The following LRRC2 variants were observed in gnomAD, a reference collection of about 807,000 sequenced individuals.
The protein encoded by LRRC2 is leucine-rich repeat-containing protein 2.
A neutral mutation model predicts 40.2 loss-of-function variants in LRRC2; 27 were observed. The ratio of observed to expected loss-of-function variants is 0.67; its 90% confidence interval spans 0.49 to 0.93. LRRC2 has a LOEUF of 0.93. Among genes scored for constraint, LRRC2 ranks in the 40% least tolerant of loss-of-function variants. The probability of loss-of-function intolerance (pLI) is 0.00; values close to 1 mark genes in which losing one functional copy is unlikely to be tolerated. For synonymous variants in LRRC2, 147 were observed against 158.9 expected, an observed-to-expected ratio of 0.92 and a Z score of 0.56; for missense variants, 402 against 439.6, an observed-to-expected ratio of 0.91 and a Z score of 0.76.
At chr3:46,538,967 G>T in intron 4 of LRRC2, 78 bp downstream of exon 4, 1 of 1,454,830 alleles carries the variant, frequency 6.9e-7, no homozygotes, top group South Asian at 1.3e-5. Flanking sequence ...CACGGTGTCT[G>T]CACAGTGTCT....
chr3:46,533,667 A>G (rs980078140), intron 4 of LRRC2, among the ~76,000 whole-genome samples: 13 of 151,906 alleles, frequency 8.6e-5, no homozygotes, highest in Admixed American at 7.9e-4. Flanking sequence ...CTGCACTGAA[A>G]ATGAAAAGCA....
chr3:46,527,786 G>T (rs567619243), intron 6 of LRRC2, among the ~76,000 whole-genome samples: 1 of 151,696 alleles, frequency 6.6e-6, no homozygotes, highest in Non-Finnish European at 1.5e-5. Flanking sequence ...GGAGTGCAGT[G>T]GTACAATCTC....
At chr3:46,563,519 G>A (rs931050063) in intron 1 of LRRC2, among the ~76,000 whole-genome samples, 4 of 151,852 alleles carry the variant, frequency 2.6e-5, no homozygotes, top group African/African-American at 9.7e-5. Flanking sequence ...CAAGTCACAT[G>A]GCTTCCTCCC....
chr3:46,545,341 T>C (rs1200307976), intron 2 of LRRC2, 88 bp from the exon 3 acceptor site: 4 of 1,110,958 alleles, frequency 3.6e-6, no homozygotes, highest in Non-Finnish European at 5.3e-6. Flanking sequence ...TGGGCATAGG[T>C]GCTCTCCTTG....
intron 1 of LRRC2, among the ~76,000 whole-genome samples, chr3:46,553,545 G>T (rs1410766582): frequency 6.6e-6 from 1 of 152,184 alleles, no homozygotes; most frequent in East Asian, 1.9e-4. Flanking sequence ...CTGGATCTGG[G>T]CATAGTGGCG....
chr3:46,563,130 CCA>C (rs1704983091), intron 1 of LRRC2, among the ~76,000 whole-genome samples: 1 of 152,106 alleles, frequency 6.6e-6, no homozygotes, highest in African/African-American at 2.4e-5. Context: ...ATCCACACCT[CCA>C]GTTATCACCT....
chr3:46,555,463 T>C (rs1409994092), intron 1 of LRRC2, among the ~76,000 whole-genome samples: 1 of 152,158 alleles, frequency 6.6e-6, no homozygotes, highest in Non-Finnish European at 1.5e-5. Flanking sequence ...TCTCTGAACA[T>C]TTTTTAGAAT....
At chr3:46,523,516 A>C (rs886328141) in intron 7 of LRRC2, among the ~76,000 whole-genome samples, 7 of 152,326 alleles carry the variant, frequency 4.6e-5, no homozygotes, top group Admixed American at 4.6e-4. Context: ...TTTACTTTTT[A>C]AACATTTTAT....
chr3:46,538,266 T>A (rs1704309125), intron 4 of LRRC2, among the ~76,000 whole-genome samples: 1 of 152,212 alleles, frequency 6.6e-6, no homozygotes, highest in Non-Finnish European at 1.5e-5. Context: ...AGAGAAGCAA[T>A]AATGATCACT....
At chr3:46,531,676 G>A (rs553605910) in intron 5 of LRRC2, among the ~76,000 whole-genome samples, 32 of 152,238 alleles carry the variant, frequency 2.1e-4, no homozygotes, top group Admixed American at 4.6e-4. Context: ...GGATCTGTGC[G>A]GGGAACCATG....
chr3:46,564,708 T>C (rs1003126477), intron 1 of LRRC2, among the ~76,000 whole-genome samples: 1 of 152,040 alleles, frequency 6.6e-6, no homozygotes, highest in Non-Finnish European at 1.5e-5. Flanking sequence ...TAACCAGCCA[T>C]GCAGAGAGAG....
intron 1 of LRRC2, among the ~76,000 whole-genome samples, chr3:46,561,834 G>A (rs1004386558): frequency 6.6e-6 from 1 of 152,184 alleles, no homozygotes; most frequent in Non-Finnish European, 1.5e-5. Context: ...CAGGAGCTGA[G>A]AGCAGTGGGG....
intron 1 of LRRC2, among the ~76,000 whole-genome samples, chr3:46,562,345 T>G (rs1039722290): frequency 1.3e-5 from 2 of 152,154 alleles, no homozygotes; most frequent in African/African-American, 4.8e-5. Flanking sequence ...GCAGCCCCTG[T>G]GGACATCTTG....
At chr3:46,546,436 C>G (rs2107027463) in intron 2 of LRRC2, among the ~76,000 whole-genome samples, 1 of 152,322 alleles carries the variant, frequency 6.6e-6, no homozygotes, top group South Asian at 2.1e-4. Context: ...CAGTCTGGAC[C>G]ACCAGGCACT....
At chr3:46,544,967 C>T in intron 3 of LRRC2, 79 bp downstream of exon 3, 1 of 1,319,098 alleles carries the variant, frequency 7.6e-7, no homozygotes. Context: ...CAAAAGCATT[C>T]ATTCATTCAT....
At chr3:46,530,841 C>G (rs1381668721) in intron 5 of LRRC2, among the ~76,000 whole-genome samples, 1 of 152,178 alleles carries the variant, frequency 6.6e-6, no homozygotes, top group South Asian at 2.1e-4. Context: ...ATTATGGGAG[C>G]TGCAATTCAA....
chr3:46,540,291 A>G (rs1053846908), intron 3 of LRRC2, among the ~76,000 whole-genome samples: 3 of 152,110 alleles, frequency 2.0e-5, no homozygotes, highest in African/African-American at 4.8e-5. Context: ...TTGGGAGGCC[A>G]AGGCGGGTGA....
At chr3:46,554,371 T>A (rs1385655980) in intron 1 of LRRC2, among the ~76,000 whole-genome samples, 1 of 151,830 alleles carries the variant, frequency 6.6e-6, no homozygotes, top group Admixed American at 6.6e-5. Context: ...GGAGGCCAGG[T>A]GCAGTGGCTC....
intron 6 of LRRC2, among the ~76,000 whole-genome samples, chr3:46,528,228 A>T (rs1704093539): frequency 6.6e-6 from 1 of 152,096 alleles, no homozygotes; most frequent in African/African-American, 2.4e-5. Flanking sequence ...AGAGCATGGG[A>T]AGGCAATCAT....
Sources: gnomAD v4.1 joint callset for allele counts (sites outside exome capture counted in the v4.1 genomes callset) on GRCh38, gnomAD v4.1.1 for gene constraint, MANE v1.5 for transcripts, NCBI Gene and HGNC (gene_info 2026-07-23, HGNC 2026-07-21) for gene names.